The following RARB variants were observed in gnomAD, a reference collection of about 807,000 sequenced individuals.
RARB encodes HBV-activated protein.
RARB carries 17 observed loss-of-function variants against 51.9 expected under a neutral mutation model. That is an observed-to-expected ratio of 0.33 (90% CI 0.22 to 0.49). The LOEUF (loss-of-function observed/expected upper bound fraction) is 0.49, where lower values mean the gene tolerates loss of function less well. RARB is among the 20% of genes least tolerant of loss of function. The pLI, the probability that RARB is intolerant of heterozygous loss-of-function variation, is 0.99. For synonymous variants in RARB, 215 were observed against 195.4 expected (o/e 1.10, Z -0.84); for missense variants, 369 against 550.8 (o/e 0.67, Z 3.30).
chr3:25,585,025 T>C (rs74318739), intron 5 of RARB, among the ~76,000 whole-genome samples: 11,431 of 151,694 alleles, frequency 0.075, 530 homozygotes, highest in South Asian at 0.17. Context: ...CCCCAGCTGT[T>C]GAATGTGGGC....
At chr3:25,031,019 G>A (rs953123455) in intron 2 of RARB, among the ~76,000 whole-genome samples, 8 of 152,154 alleles carry the variant, frequency 5.3e-5, no homozygotes, top group Non-Finnish European at 1.2e-4. Context: ...ATGGGCCACA[G>A]TAGGGTTTCT....
chr3:25,171,440 A>ATT (rs1157902711), intron 4 of RARB, among the ~76,000 whole-genome samples: 1,060 of 32,214 alleles, frequency 0.033, 173 homozygotes, highest in African/African-American at 0.076. Flanking sequence ...CGACACATTG[A>ATT]TTTTTTTTTT....
chr3:25,293,905 TA>T, intron 5 of RARB, among the ~76,000 whole-genome samples: 1 of 152,302 alleles, frequency 6.6e-6, no homozygotes, highest in Middle Eastern at 3.4e-3. Context: ...ACATGTGTCG[TA>T]ACTGGGAGTG....
intron 1 of RARB, among the ~76,000 whole-genome samples, chr3:24,854,260 C>A (rs1052267416): frequency 1.3e-5 from 2 of 152,178 alleles, no homozygotes; most frequent in African/African-American, 4.8e-5. Flanking sequence ...GTCAACAGGA[C>A]TAGAAGGCAT....
At chr3:24,855,448 A>T (rs763816871) in intron 1 of RARB, among the ~76,000 whole-genome samples, 11 of 152,174 alleles carry the variant, frequency 7.2e-5, no homozygotes, top group African/African-American at 2.7e-4. Context: ...TTCTGTATGT[A>T]CTGGCTATGT....
chr3:25,401,168 C>T (rs992655847), intron 5 of RARB, among the ~76,000 whole-genome samples: 8 of 152,084 alleles, frequency 5.3e-5, no homozygotes, highest in African/African-American at 1.7e-4. Context: ...CATTCAGGCT[C>T]CTCTTGGCAT....
At chr3:25,534,436 CT>C (rs1272020939) in intron 3 of RARB, among the ~76,000 whole-genome samples, 1 of 152,056 alleles carries the variant, frequency 6.6e-6, no homozygotes, top group Non-Finnish European at 1.5e-5. Context: ...GGTTTTTATA[CT>C]TTTTTTCCTT....
intron 5 of RARB, among the ~76,000 whole-genome samples, chr3:25,201,957 G>C (rs978626783): frequency 1.3e-5 from 2 of 152,176 alleles, no homozygotes; most frequent in African/African-American, 2.4e-5. Flanking sequence ...CGTAAAATGA[G>C]TTAGGGAGGA....
chr3:25,215,576 G>C (rs1444150654), intron 5 of RARB, among the ~76,000 whole-genome samples: 2 of 152,180 alleles, frequency 1.3e-5, no homozygotes, highest in East Asian at 1.9e-4. Flanking sequence ...AGGAAGTTCT[G>C]CCTTGGGAAC....
At chr3:25,121,774 T>C (rs1246338182) in intron 3 of RARB, among the ~76,000 whole-genome samples, 1 of 152,206 alleles carries the variant, frequency 6.6e-6, no homozygotes, top group African/African-American at 2.4e-5. Flanking sequence ...TTCTACACAT[T>C]TATTAAGATT....
intron 4 of RARB, among the ~76,000 whole-genome samples, chr3:25,576,866 C>A (rs1005337646): frequency 6.6e-6 from 1 of 152,162 alleles, no homozygotes; most frequent in Admixed American, 6.5e-5. Flanking sequence ...GTGTTGGGGG[C>A]CTTCTCCTCT....
At chr3:25,017,209 CT>C (rs764666213) in intron 2 of RARB, among the ~76,000 whole-genome samples, 20 of 144,226 alleles carry the variant, frequency 1.4e-4, no homozygotes, top group East Asian at 5.8e-4. Context: ...AATTAACTAG[CT>C]TTCCCCCCCC....
Position 24,975,492 on chromosome 3 carries a change from A to G in RARB, c.-379-84633A>G, listed in dbSNP as rs138988280. 4.6e-5 allele frequency among the ~76,000 whole-genome samples: 7 copies of G among 152,226 alleles called. 1 individual carries two copies. The East Asian group carries it at 1.4e-3, about 29-fold the overall frequency. Reference sequence around the variant, plus strand: ...TAATTCAATGATTTAATGAGATGCAAATTTGTTCATGCCACACTGAGATGC... The same window carrying G: ...TAATTCAATGATTTAATGAGATGCAGATTTGTTCATGCCACACTGAGATGC... On this transcript the variant is annotated intron_variant, in intron 2 of 11. Transcript: ENST00000383772.
chr3:25,555,025 C>T (rs1700000319), intron 3 of RARB, among the ~76,000 whole-genome samples: 2 of 152,222 alleles, frequency 1.3e-5, no homozygotes, highest in Admixed American at 6.5e-5. Flanking sequence ...AAAGGCTTCT[C>T]ATCTCAAAAC....
intron 5 of RARB, among the ~76,000 whole-genome samples, chr3:25,287,987 G>A (rs322682): frequency 0.4 from 61,017 of 151,772 alleles, 13,005 homozygotes; most frequent in African/African-American, 0.53. Context: ...TCACTTATTA[G>A]ATTTTCCACA....
intron 2 of RARB, among the ~76,000 whole-genome samples, chr3:24,888,578 T>G (rs1703310496): frequency 6.6e-6 from 1 of 151,754 alleles, no homozygotes; most frequent in Non-Finnish European, 1.5e-5. Context: ...ACACCCAAGC[T>G]TTTTTAAAAA....
intron 3 of RARB, among the ~76,000 whole-genome samples, chr3:25,550,642 G>T (rs145496662): frequency 1.6e-3 from 238 of 152,202 alleles, no homozygotes; most frequent in African/African-American, 5.5e-3. Flanking sequence ...TAAGTTCTGG[G>T]ATACATCTGC....
At chr3:25,252,146 C>T (rs1383227631) in intron 5 of RARB, among the ~76,000 whole-genome samples, 1 of 152,108 alleles carries the variant, frequency 6.6e-6, no homozygotes, top group African/African-American at 2.4e-5. Flanking sequence ...TCTTGCCACC[C>T]TTGTCAAAAT....
At chr3:24,853,495 G>C (rs1490649555) in intron 1 of RARB, among the ~76,000 whole-genome samples, 1 of 152,156 alleles carries the variant, frequency 6.6e-6, no homozygotes, top group Non-Finnish European at 1.5e-5. Context: ...CAGTAGAGAA[G>C]ACTCTGGTTT....
Sources: gnomAD v4.1 joint callset for allele counts (sites outside exome capture counted in the v4.1 genomes callset) on GRCh38, gnomAD v4.1.1 for gene constraint, MANE v1.5 for transcripts, NCBI Gene and HGNC (gene_info 2026-07-23, HGNC 2026-07-21) for gene names.